CSMD1: variants seen among roughly 807,000 people sequenced by gnomAD.
CSMD1 encodes the protein CUB and sushi domain-containing protein 1.
CSMD1 carries 213 observed loss-of-function variants against 417.5 expected under a neutral mutation model. The ratio of observed to expected loss-of-function variants is 0.51; its 90% CI spans 0.46 to 0.57. The LOEUF is 0.57. Among genes scored for constraint, CSMD1 ranks in the 20% least tolerant of loss-of-function variants. CSMD1 has a pLI of 0.00. For synonymous variants in CSMD1, 2,862 were observed against 1,736.8 expected (o/e 1.65, Z -16.11); for missense variants, 6,923 against 4,529.7 (o/e 1.53, Z -15.17).
chr8:3,814,142 C>G (rs1394325250), intron 5 of CSMD1, among the ~76,000 whole-genome samples: 1 of 152,186 alleles, frequency 6.6e-6, no homozygotes, highest in Non-Finnish European at 1.5e-5. Flanking sequence ...CAGCTCAGCC[C>G]CAGATTCTGG....
intron 1 of CSMD1, among the ~76,000 whole-genome samples, chr8:4,965,877 A>T (rs561314978): frequency 2.6e-5 from 4 of 152,260 alleles, no homozygotes; most frequent in Admixed American, 2.6e-4. Context: ...AAGAAGATAT[A>T]TATTTACATA....
intron 5 of CSMD1, among the ~76,000 whole-genome samples, chr8:3,890,271 T>C (rs1806872580): frequency 6.6e-6 from 1 of 152,170 alleles, no homozygotes; most frequent in African/African-American, 2.4e-5. Context: ...ACATCAGATA[T>C]TTTGCTGGGT....
chr8:2,994,213 G>GA (rs1385688802), intron 54 of CSMD1, among the ~76,000 whole-genome samples: 2 of 138,976 alleles, frequency 1.4e-5, no homozygotes, highest in African/African-American at 2.7e-5. Flanking sequence ...AAGAAAGTAA[G>GA]AAAACAACAT....
chr8:3,789,420 T>A (rs199858537), intron 5 of CSMD1, among the ~76,000 whole-genome samples: 9 of 108,088 alleles, frequency 8.3e-5, no homozygotes, highest in Non-Finnish European at 1.4e-4. Flanking sequence ...TTTTTTTTTT[T>A]AAGTAGTGTT....
At chr8:4,436,501 C>G (rs1471408236) in intron 2 of CSMD1, among the ~76,000 whole-genome samples, 2 of 152,176 alleles carry the variant, frequency 1.3e-5, no homozygotes, top group African/African-American at 4.8e-5. Flanking sequence ...AGGGGTATCT[C>G]TCCTCTCAAA....
In CSMD1 at chr8:4,031,665, T is replaced by C. The variant is rs537254315; in HGVS notation, c.610+240A>G. 2.2e-4 allele frequency among the ~76,000 whole-genome samples: 33 copies of C among 152,316 alleles called. 1 individual carries two copies. Among genetic ancestry groups the C allele is most frequent in the African/African-American group, 7.9e-4 (33 of 41,566 alleles). On this transcript the variant is annotated intron_variant, in intron 4 of 69. Coordinates refer to ENST00000635120, the MANE Select transcript of CSMD1 (RefSeq NM_033225.6). ...TATAACATGTAATATTATATATTATTACTTATCACATGTTATTACTTACAT... is the reference window on the plus strand; with the variant it reads ...TATAACATGTAATATTATATATTATCACTTATCACATGTTATTACTTACAT...
intron 5 of CSMD1, among the ~76,000 whole-genome samples, chr8:3,969,589 C>T (rs1812936032): frequency 6.6e-6 from 1 of 152,138 alleles, no homozygotes; most frequent in South Asian, 2.1e-4. Context: ...ATTGAAATTT[C>T]ATTCCATCGT....
At chr8:4,065,114 T>C (rs960554800) in intron 3 of CSMD1, among the ~76,000 whole-genome samples, 9 of 152,262 alleles carry the variant, frequency 5.9e-5, no homozygotes, top group Non-Finnish European at 1.3e-4. Flanking sequence ...TGTCATTTTC[T>C]AGTTTATGTT....
At chr8:2,952,591 C>T (rs140178333) in intron 65 of CSMD1, among the ~76,000 whole-genome samples, 3 of 152,294 alleles carry the variant, frequency 2.0e-5, no homozygotes, top group Non-Finnish European at 4.4e-5. Flanking sequence ...TCTGCTTAGC[C>T]ACTGTCAGCA....
rs114414119 is a variant in CSMD1 at position 4,411,770 on chromosome 8, C to T, written c.415+8183G>A. Among the ~76,000 whole-genome samples, 904 of 152,262 alleles carry T rather than the reference C, an allele frequency of 5.9e-3. 10 individuals carry two copies. The highest frequency in any genetic ancestry group is 0.021 in the African/African-American group (863 of 41,560). On this transcript the variant is annotated intron_variant, in intron 3 of 69. Coordinates refer to ENST00000635120, the MANE Select transcript of CSMD1 (RefSeq NM_033225.6). ...TCACATACCTATCCAAGTACTTTAT[C>T]TTTTCACCAAAATGGAATCACGTGG... is the stretch of plus-strand genomic sequence containing the variant.
intron 46 of CSMD1, among the ~76,000 whole-genome samples, chr8:3,101,423 G>T (rs76332192): frequency 6.6e-6 from 1 of 152,024 alleles, no homozygotes; most frequent in African/African-American, 2.4e-5. Flanking sequence ...TCCATATAAG[G>T]CTGACTACTT....
chr8:4,503,435 C>T (rs1031064569), intron 2 of CSMD1, among the ~76,000 whole-genome samples: 5 of 152,030 alleles, frequency 3.3e-5, no homozygotes, highest in East Asian at 3.9e-4. Flanking sequence ...CATTTATATT[C>T]GCAATATGTT....
intron 5 of CSMD1, among the ~76,000 whole-genome samples, chr8:3,889,478 TA>T (rs1806800271): frequency 8.9e-6 from 1 of 111,948 alleles, no homozygotes; most frequent in Non-Finnish European, 1.8e-5. Flanking sequence ...TATATATATA[TA>T]TATATATATA....
intron 5 of CSMD1, among the ~76,000 whole-genome samples, chr8:3,877,267 G>T (rs751587904): frequency 2.0e-5 from 3 of 152,058 alleles, no homozygotes; most frequent in Admixed American, 6.6e-5. Flanking sequence ...GTCCTGGTGT[G>T]GCCCTTGATG....
At chr8:2,976,508 A>C (rs1804942338) in intron 55 of CSMD1, among the ~76,000 whole-genome samples, 1 of 151,986 alleles carries the variant, frequency 6.6e-6, no homozygotes, top group African/African-American at 2.4e-5. Flanking sequence ...ACCATGCCCC[A>C]CTAGTTTTTA....
chr8:4,185,016 T>TA (rs1464280719), intron 3 of CSMD1, among the ~76,000 whole-genome samples: 1 of 151,020 alleles, frequency 6.6e-6, no homozygotes, highest in Admixed American at 6.6e-5. Flanking sequence ...GTGGGTGCCT[T>TA]TAATCCCAGC....
intron 3 of CSMD1, among the ~76,000 whole-genome samples, chr8:4,396,819 G>T (rs928702525): frequency 7.9e-5 from 12 of 152,040 alleles, no homozygotes; most frequent in African/African-American, 2.9e-4. Context: ...ATAAGAAGTG[G>T]GAGCTAAGCT....
intron 3 of CSMD1, among the ~76,000 whole-genome samples, chr8:4,224,941 T>A (rs1801257521): frequency 6.6e-6 from 1 of 152,014 alleles, no homozygotes; most frequent in African/African-American, 2.4e-5. Context: ...TGAAACCCCA[T>A]CACTAATAAA....
chr8:3,111,730 G>T (rs1186859453), intron 42 of CSMD1, among the ~76,000 whole-genome samples: 3 of 152,094 alleles, frequency 2.0e-5, no homozygotes, highest in Non-Finnish European at 4.4e-5. Context: ...TACTTGGGGG[G>T]TTGAGGCAGG....
Sources: gnomAD v4.1 joint callset for allele counts (sites outside exome capture counted in the v4.1 genomes callset) on GRCh38, gnomAD v4.1.1 for gene constraint, MANE v1.5 for transcripts, NCBI Gene and HGNC (gene_info 2026-07-23, HGNC 2026-07-21) for gene names.